The following KCTD8 variants were observed in gnomAD, a reference collection of about 807,000 sequenced individuals.
KCTD8 encodes potassium channel tetramerization domain containing 8, also known as BTB/POZ domain-containing protein KCTD8.
KCTD8 carries 27 observed loss-of-function variants against 31.5 expected under a neutral mutation model. The observed-to-expected ratio is 0.86, with a 90% confidence interval of 0.63 to 1.18. The LOEUF (loss-of-function observed/expected upper bound fraction) is 1.18, where lower values mean the gene tolerates loss of function less well. KCTD8 is among the 50% of genes most tolerant of loss of function. The pLI is 0.00. For missense variants in KCTD8, 658 were observed against 647.7 expected, an observed-to-expected ratio of 1.02 and a Z score of -0.17; for synonymous variants, 290 against 280.0, an observed-to-expected ratio of 1.04 and a Z score of -0.36.
intron 1 of KCTD8, among the ~76,000 whole-genome samples, chr4:44,314,419 G>A (rs1718048418): frequency 6.6e-6 from 1 of 152,128 alleles, no homozygotes; most frequent in Non-Finnish European, 1.5e-5. Flanking sequence ...AGAAAGCATG[G>A]ACAGGAAAGT....
At chr4:44,181,428 G>A (rs1359406616) in intron 1 of KCTD8, among the ~76,000 whole-genome samples, 1 of 152,106 alleles carries the variant, frequency 6.6e-6, no homozygotes, top group East Asian at 1.9e-4. Context: ...GTATTTTTTT[G>A]GTGGAGACGG....
At chr4:44,177,617 T>C (rs7676516) in intron 1 of KCTD8, among the ~76,000 whole-genome samples, 42,348 of 152,056 alleles carry the variant, frequency 0.28, 6,337 homozygotes, top group East Asian at 0.49. Context: ...GAGGAGTTCC[T>C]CTGCACAAGC....
chr4:44,379,753 A>G (rs1345485252), intron 1 of KCTD8, among the ~76,000 whole-genome samples: 2 of 152,112 alleles, frequency 1.3e-5, no homozygotes, highest in Non-Finnish European at 2.9e-5. Flanking sequence ...ATTGTTGCCA[A>G]GCAAAATTAC....
intron 1 of KCTD8, among the ~76,000 whole-genome samples, chr4:44,294,123 A>G (rs1014067111): frequency 6.6e-6 from 1 of 152,222 alleles, no homozygotes; most frequent in Admixed American, 6.5e-5. Flanking sequence ...ATGAATCTAA[A>G]TCATAGAAAT....
intron 1 of KCTD8, among the ~76,000 whole-genome samples, chr4:44,305,737 A>T (rs1717783326): frequency 6.6e-6 from 1 of 151,876 alleles, no homozygotes; most frequent in Non-Finnish European, 1.5e-5. Flanking sequence ...GTATGTTTAC[A>T]ATTTTTTACC....
chr4:44,340,223 T>C (rs1301878934), intron 1 of KCTD8, among the ~76,000 whole-genome samples: 1 of 151,960 alleles, frequency 6.6e-6, no homozygotes, highest in Non-Finnish European at 1.5e-5. Flanking sequence ...TAAAAACATA[T>C]ATCCATACAA....
chr4:44,348,043 T>C (rs1719080234), intron 1 of KCTD8, among the ~76,000 whole-genome samples: 1 of 152,162 alleles, frequency 6.6e-6, no homozygotes, highest in Non-Finnish European at 1.5e-5. Context: ...ATAGCCCAAT[T>C]TTGCTTAGAA....
At chr4:44,179,938 T>C (rs1440142502) in intron 1 of KCTD8, among the ~76,000 whole-genome samples, 1 of 152,186 alleles carries the variant, frequency 6.6e-6, no homozygotes. Flanking sequence ...TGCCCGCTAA[T>C]TGCAGGCTTC....
At chr4:44,392,702 A>C (rs1720403003) in intron 1 of KCTD8, among the ~76,000 whole-genome samples, 1 of 151,986 alleles carries the variant, frequency 6.6e-6, no homozygotes, top group Admixed American at 6.6e-5. Flanking sequence ...TAGCAAGGTG[A>C]GATAATCCCA....
intron 1 of KCTD8, among the ~76,000 whole-genome samples, chr4:44,394,942 C>G (rs1307408288): frequency 6.6e-6 from 1 of 152,068 alleles, no homozygotes; most frequent in African/African-American, 2.4e-5. Flanking sequence ...CAAGGCTTTT[C>G]CTTCATGATG....
chr4:44,308,617 T>A (rs1234116537), intron 1 of KCTD8, among the ~76,000 whole-genome samples: 1 of 152,110 alleles, frequency 6.6e-6, no homozygotes, highest in Non-Finnish European at 1.5e-5. Context: ...CAAGAACAGA[T>A]GTACTATTAA....
At chr4:44,349,082 CACCACCACCACCACT>C (rs971811405) in intron 1 of KCTD8, among the ~76,000 whole-genome samples, 5 of 132,230 alleles carry the variant, frequency 3.8e-5, no homozygotes, top group East Asian at 4.1e-4. Flanking sequence ...CCACCACCAC[CACCACCACCACCACT>C]ACCACCAATG....
At chr4:44,293,313 C>T in intron 1 of KCTD8, 1 of 369,402 alleles carries the variant, frequency 2.7e-6, no homozygotes, top group South Asian at 2.1e-5. Flanking sequence ...TTACTGAGTC[C>T]AAATGCTTTT....
intron 1 of KCTD8, among the ~76,000 whole-genome samples, chr4:44,355,951 A>C (rs1719330517): frequency 8.1e-6 from 1 of 123,980 alleles, no homozygotes; most frequent in Non-Finnish European, 1.8e-5. Flanking sequence ...TAAATTGCAA[A>C]TCTGAGTATT....
chr4:44,403,522 A>T (rs1720715038), intron 1 of KCTD8, among the ~76,000 whole-genome samples: 1 of 151,540 alleles, frequency 6.6e-6, no homozygotes, highest in African/African-American at 2.4e-5. Flanking sequence ...AGATGTCAGG[A>T]GGTTTGGCTG....
chr4:44,384,263 C>T (rs932814132), intron 1 of KCTD8, among the ~76,000 whole-genome samples: 2 of 151,776 alleles, frequency 1.3e-5, no homozygotes, highest in Admixed American at 6.6e-5. Context: ...GGAAGTTCCT[C>T]AAAAAACCAC....
intron 1 of KCTD8, among the ~76,000 whole-genome samples, chr4:44,204,182 A>G: frequency 6.6e-6 from 1 of 152,174 alleles, no homozygotes; most frequent in East Asian, 1.9e-4. Context: ...AGTAAACAAG[A>G]AATTGGGAAG....
chr4:44,422,099 T>A (rs896513291), intron 1 of KCTD8, among the ~76,000 whole-genome samples: 1 of 152,100 alleles, frequency 6.6e-6, no homozygotes, highest in Non-Finnish European at 1.5e-5. Flanking sequence ...GAATCATACT[T>A]GGCATTCATA....
chr4:44,339,707 A>C (rs1718846238), intron 1 of KCTD8, among the ~76,000 whole-genome samples: 1 of 152,176 alleles, frequency 6.6e-6, no homozygotes, highest in Non-Finnish European at 1.5e-5. Flanking sequence ...TAAATGTTAA[A>C]ATGCTACAAA....
Sources: gnomAD v4.1 joint callset for allele counts (sites outside exome capture counted in the v4.1 genomes callset) on GRCh38, gnomAD v4.1.1 for gene constraint, MANE v1.5 for transcripts, NCBI Gene and HGNC (gene_info 2026-07-23, HGNC 2026-07-21) for gene names.